Variants in ANKAR observed in about 807,000 individuals in gnomAD.
The protein encoded by ANKAR is ankyrin and armadillo repeat-containing protein.
ANKAR carries 136 observed loss-of-function variants against 146.2 expected under a neutral mutation model. That is an observed-to-expected ratio of 0.93 (90% CI 0.81 to 1.07). The LOEUF (loss-of-function observed/expected upper bound fraction) is 1.07. Among genes scored for constraint, ANKAR ranks in the 50% least tolerant of loss-of-function variants. ANKAR has a pLI of 0.00. For synonymous variants in ANKAR, 500 were observed against 575.8 expected, an observed-to-expected ratio of 0.87 and a Z score of 1.88; for missense variants, 1,567 against 1,679.9, an observed-to-expected ratio of 0.93 and a Z score of 1.18.
rs377276256 is a variant in ANKAR, at chr2:189,755,579, G to A, written c.*585-5519G>A. ...ACCTGTTCTGAAAGAAAGAAAGACA[G>A]CATTTTGTAGTTTTAAGATTGTAAA... On this transcript the variant is annotated intron_variant and NMD_transcript_variant, in intron 18 of 18. Transcript: ENST00000441800. 13 of 1,571,112 alleles carry A rather than the reference G, an allele frequency of 8.3e-6. No homozygotes were observed. In the African/African-American group the frequency reaches 1.4e-4, roughly 17 times the overall value.
chr2:189,738,640 G>T lies in ANKAR; in HGVS notation c.3658G>T (p.Asp1220Tyr). The change falls in exon 19 of 23, where the codon GAT becomes TAT. Residue 1220 changes from aspartate (D) to tyrosine (Y), a missense_variant. Physicochemically the swap from Asp to Tyr is radical, Grantham distance 160 (BLOSUM62 -3). Coordinates refer to ENST00000684021, the MANE Select transcript of ANKAR (RefSeq NM_001378068.1). ...LSARGVTILV[D>Y]SLYSVQTSTI... ...TGCAAGAGGTGTTACTATTTTAGTTGATAGTCTGTATTCAGTTCAGACTTC... is the reference window on the plus strand; with the variant it reads ...TGCAAGAGGTGTTACTATTTTAGTTTATAGTCTGTATTCAGTTCAGACTTC... 1 of 1,612,212 alleles carries T rather than the reference G, an allele frequency of 6.2e-7. No homozygotes were observed. The highest frequency in any genetic ancestry group is 1.1e-5 in the South Asian group (1 of 90,948).
At chr2:189,740,308 T>TA (rs1300133149) in intron 19 of ANKAR, among the ~76,000 whole-genome samples, 1 of 152,196 alleles carries the variant, frequency 6.6e-6, no homozygotes, top group African/African-American at 2.4e-5. Context: ...AAATAGAGCT[T>TA]ACCTTTAGAC....
At chr2:189,755,796 T>A (rs1249596092) in intron 18 of ANKAR, among the ~76,000 whole-genome samples, 1 of 152,180 alleles carries the variant, frequency 6.6e-6, no homozygotes, top group African/African-American at 2.4e-5. Flanking sequence ...CATGGATTTG[T>A]TTGTTGACAA....
rs369038776 is a variant in ANKAR at position 189,733,137 on chromosome 2, G to A, written c.3331G>A (p.Val1111Ile). The change falls in exon 17 of 23, where the codon GTC becomes ATC. Residue 1111 changes from valine (V) to isoleucine (I), a missense_variant. By Grantham distance (29) the Val-to-Ile change is conservative. Coordinates refer to ENST00000684021, the MANE Select transcript of ANKAR (RefSeq NM_001378068.1). ...AGTGGCATTTTCCTTGGCATGCATTGTCCTAGGGAATGATGTGTTACAGAA... is the reference window on the plus strand; with the variant it reads ...AGTGGCATTTTCCTTGGCATGCATTATCCTAGGGAATGATGTGTTACAGAA... ...VEVAFSLACIVLGNDVLQKDL... is the reference protein window; with the variant it reads ...VEVAFSLACIILGNDVLQKDL... The A allele has an allele frequency of 6.8e-6, 11 of 1,612,472 alleles. No homozygotes were observed. The African/African-American group carries it at 1.2e-4, about 18-fold the overall frequency.
At chr2:189,730,356 T>C (rs1302176911) in intron 15 of ANKAR, 139 bp from the exon 16 acceptor site, 2 of 410,368 alleles carry the variant, frequency 4.9e-6, no homozygotes, top group African/African-American at 4.1e-5. Flanking sequence ...TAAAATAGTG[T>C]CAATATAGCA....
chr2:189,690,049 G>A, intron 3 of ANKAR, 85 bp downstream of exon 3: 2 of 942,000 alleles, frequency 2.1e-6, no homozygotes, highest in Non-Finnish European at 1.5e-6. Flanking sequence ...TAGTATATGG[G>A]TGCAGGCAGT....
At chr2:189,750,941 A>G (rs981663426), downstream of ANKAR, among the ~76,000 whole-genome samples, 6 of 152,240 alleles carry the variant, frequency 3.9e-5, no homozygotes. Context: ...AAATATAAAA[A>G]TAATGAAAAA....
At position 189,696,300 on chromosome 2, in the gene ANKAR, T is replaced by C; in HGVS notation, c.1639T>C (p.Ser547Pro). The C allele has an allele frequency of 1.2e-6, 2 of 1,614,084 alleles. No individual in the cohort carries two copies. The highest frequency in any genetic ancestry group is 1.7e-6 in the Non-Finnish European group (2 of 1,180,018). Residue 547 changes from serine to proline, a missense_variant, in exon 7 of 23, where the codon TCT becomes CCT. Physicochemically the swap from Ser to Pro is moderately conservative, Grantham distance 74. Transcript: ENST00000684021. ...TCATGCTGCCCTGCACAACAGAGTTTCTATTATATGTCAACTGTGCAATGC... is the reference window on the plus strand; with the variant it reads ...TCATGCTGCCCTGCACAACAGAGTTCCTATTATATGTCAACTGTGCAATGC... ...FHHAALHNRV[S>P]IICQLCNANF...
chr2:189,713,359 A>G (rs2039971683), intron 10 of ANKAR, among the ~76,000 whole-genome samples: 1 of 152,218 alleles, frequency 6.6e-6, no homozygotes, highest in African/African-American at 2.4e-5. Context: ...TGTTAAGGGC[A>G]GCCAGAGAGA....
rs191301346 is a variant in ANKAR at position 189,706,193 on chromosome 2, C to T, written c.1911-745C>T. On this transcript the variant is annotated intron_variant, in intron 8 of 22. Transcript: ENST00000684021. Reference sequence around the variant, plus strand: ...GGCAGATCACTTGAGGTCAGGAGTTCGAGACCAGCCTGGGCAAAACCCCGT... The same window carrying T: ...GGCAGATCACTTGAGGTCAGGAGTTTGAGACCAGCCTGGGCAAAACCCCGT... 3.2e-4 allele frequency among the ~76,000 whole-genome samples: 48 copies of T among 151,804 alleles called. No individual in the cohort carries two copies. In the East Asian group the frequency reaches 4.2e-3, roughly 13 times the overall value.
At chr2:189,714,577 C>A (rs903286520) in intron 10 of ANKAR, among the ~76,000 whole-genome samples, 11 of 152,164 alleles carry the variant, frequency 7.2e-5, no homozygotes, top group African/African-American at 2.7e-4. Context: ...AACAAAGACA[C>A]AATGTACCAG....
chr2:189,746,279 T>C, intron 22 of ANKAR, 101 bp from the exon 23 acceptor site: 1 of 1,339,976 alleles, frequency 7.5e-7, no homozygotes, highest in Non-Finnish European at 1.0e-6. Context: ...TCTCTTAGTA[T>C]GTTTTAGTTA....
In ANKAR at chr2:189,689,599, A is replaced by G; in HGVS notation, c.674A>G (p.Tyr225Cys). The change falls in exon 3 of 23, where the codon TAT becomes TGT. Residue 225 changes from tyrosine to cysteine, a missense_variant. Transcript: ENST00000684021. ...GAAGACGTGAATGAAGATCCAACAT[A>G]TGATCCCAACAGCCCTGAAGAAACA... ...YDEDVNEDPT[Y>C]DPNSPEETAV... 1 of 1,613,366 alleles carries G rather than the reference A, an allele frequency of 6.2e-7. No individual in the cohort carries two copies. Among genetic ancestry groups the G allele is most frequent in the Non-Finnish European group, 8.5e-7 (1 of 1,179,700 alleles).
At chr2:189,761,946 T>C (rs1313934318), downstream of ANKAR, among the ~76,000 whole-genome samples, 3 of 152,328 alleles carry the variant, frequency 2.0e-5, no homozygotes, top group South Asian at 2.1e-4. Flanking sequence ...CAATAATTGA[T>C]AGAGTCCTCT....
intron 1 of ANKAR, chr2:189,675,954 C>T (rs900860156): frequency 6.4e-6 from 1 of 155,446 alleles, no homozygotes; most frequent in African/African-American, 2.4e-5. Context: ...ACTGGCTCCC[C>T]TTCCCCTTCC....
chr2:189,711,663 C>T (rs1222049684), intron 10 of ANKAR, among the ~76,000 whole-genome samples: 2 of 152,272 alleles, frequency 1.3e-5, no homozygotes, highest in Admixed American at 6.5e-5. Context: ...CTCCGGTCTG[C>T]AGCTCCCAGC....
chr2:189,741,049 A>G (rs1466913961), intron 19 of ANKAR, among the ~76,000 whole-genome samples: 1 of 152,212 alleles, frequency 6.6e-6, no homozygotes, highest in Non-Finnish European at 1.5e-5. Context: ...TAAAACCCTA[A>G]AAACTTCAAA....
In ANKAR at chr2:189,755,019, CTCTT is replaced by C. The variant is rs146366878; in HGVS notation, c.*585-6075_*585-6072del. ...CTAAGAATTATAAAATTGTGTACTA[CTCTT>C]TCTATTTTTTCTCACCATATGTGAA... On this transcript the variant is annotated intron_variant and NMD_transcript_variant, in intron 18 of 18. Coordinates refer to the ANKAR transcript ENST00000441800. 9.4e-3 allele frequency: 7,805 copies of C among 829,750 alleles called. 54 individuals are homozygous for C. The highest frequency in any genetic ancestry group is 0.012 in the Non-Finnish European group (6,850 of 552,832). The allele number at this position is 829,750 out of a possible 1,614,324, so 51.4% of individuals were successfully genotyped here. A position where few individuals can be genotyped will look rare whatever the true frequency, so the allele number is the denominator to read the frequency against.
chr2:189,704,593 AT>A (rs2038645375), intron 7 of ANKAR, among the ~76,000 whole-genome samples: 4 of 106,862 alleles, frequency 3.7e-5, no homozygotes, highest in African/African-American at 1.4e-4. Flanking sequence ...ATATATATAT[AT>A]ATAATTTTAA....
Sources: allele counts gnomAD v4.1 joint callset (sites outside exome capture counted in the v4.1 genomes callset), GRCh38; gene constraint gnomAD v4.1.1; transcripts MANE v1.5; gene names NCBI Gene and HGNC (gene_info 2026-07-23, HGNC 2026-07-21).